The following MCPH1 variants were observed in gnomAD, a reference collection of about 807,000 sequenced individuals.
The protein encoded by MCPH1 is microcephalin.
A neutral mutation model predicts 84.5 loss-of-function variants in MCPH1; 104 were observed. That is an observed-to-expected ratio of 1.23 (90% CI 1.05 to 1.45). The LOEUF (loss-of-function observed/expected upper bound fraction) is 1.45, where lower values mean the gene tolerates loss of function less well. Among genes scored for constraint, MCPH1 ranks in the 40% most tolerant of loss-of-function variants. The pLI, the probability that MCPH1 is intolerant of heterozygous loss-of-function variation, is 0.00. For synonymous variants in MCPH1, 514 were observed against 366.8 expected (o/e 1.40, Z -4.58); for missense variants, 1,498 against 1,005.7 (o/e 1.49, Z -6.62).
chr8:6,459,803 A>G (rs987811755), intron 9 of MCPH1, among the ~76,000 whole-genome samples: 4 of 152,226 alleles, frequency 2.6e-5, no homozygotes, highest in Non-Finnish European at 5.9e-5. Flanking sequence ...CAGGACTGTC[A>G]GTCGATGAGA....
intron 12 of MCPH1, 100 bp downstream of exon 12, chr8:6,500,029 C>G: frequency 1.1e-6 from 1 of 923,732 alleles, no homozygotes; most frequent in Non-Finnish European, 1.8e-6. Context: ...CAGTCAAGCA[C>G]AATTATGCCC....
Position 6,440,810 on chromosome 8 carries a change from G to A in MCPH1, c.581-1257G>A, listed in dbSNP as rs191420756. 9.7e-4 allele frequency among the ~76,000 whole-genome samples: 148 copies of A among 152,308 alleles called. 1 individual carries two copies. Among genetic ancestry groups the A allele is most frequent in the African/African-American group, 3.4e-3 (143 of 41,560 alleles). ...TTATGTCCTTTGTCCATATGTATCA[G>A]TTAAGGTTAGTTTCGGCTGCATATA... On this transcript the variant is annotated intron_variant, in intron 6 of 13. Coordinates refer to ENST00000344683, the MANE Select transcript of MCPH1 (RefSeq NM_024596.5).
At chr8:6,497,847 T>G (rs967943332) in intron 11 of MCPH1, among the ~76,000 whole-genome samples, 74 of 152,344 alleles carry the variant, frequency 4.9e-4, no homozygotes, top group African/African-American at 1.8e-3. Context: ...ATATAATAGA[T>G]ACATTGATTT....
At chr8:6,585,065 A>G (rs1586714438) in intron 12 of MCPH1, among the ~76,000 whole-genome samples, 1 of 152,354 alleles carries the variant, frequency 6.6e-6, no homozygotes, top group African/African-American at 2.4e-5. Context: ...AGTATAAACT[A>G]TTCTCTAGCA....
chr8:6,473,985 G>A, intron 9 of MCPH1: 1 of 1,029,542 alleles, frequency 9.7e-7, no homozygotes, highest in Non-Finnish European at 1.5e-6. Flanking sequence ...TAAAGAACTT[G>A]GAAAATCTCA....
chr8:6,524,742 C>G (rs948602980), intron 12 of MCPH1, among the ~76,000 whole-genome samples: 3 of 152,136 alleles, frequency 2.0e-5, no homozygotes, highest in Non-Finnish European at 4.4e-5. Flanking sequence ...GAATGTCTCC[C>G]TTGAGGAAAA....
intron 12 of MCPH1, chr8:6,521,190 A>G (rs1817266811): frequency 6.2e-7 from 1 of 1,612,674 alleles, no homozygotes. Context: ...TTTGATGTGG[A>G]CATCATAGTC....
At chr8:6,467,755 C>T (rs1188898018) in intron 9 of MCPH1, among the ~76,000 whole-genome samples, 1 of 152,140 alleles carries the variant, frequency 6.6e-6, no homozygotes, top group Non-Finnish European at 1.5e-5. Flanking sequence ...TGCCACCATG[C>T]TCAGCTAATT....
At position 6,521,505 on chromosome 8, in the gene MCPH1, A is replaced by T. The variant is rs145450899; in HGVS notation, c.2214+21576A>T. 2.9e-3 allele frequency: 2,650 copies of T among 909,202 alleles called. 63 individuals are homozygous for T. In the South Asian group the frequency reaches 0.035, roughly 12 times the overall value. 56.3% of individuals were successfully genotyped at this position (909,202 alleles called of 1,614,324 possible). On this transcript the variant is annotated intron_variant, in intron 12 of 13. Coordinates refer to ENST00000344683, the MANE Select transcript of MCPH1 (RefSeq NM_024596.5). ...TACTTCTCCAAGGTACTCTGTTAAG[A>T]TATTGTAGTGGTTATAAAGTAATAT...
chr8:6,621,109 C>G (rs141073596), intron 12 of MCPH1: 186 of 366,022 alleles, frequency 5.1e-4, no homozygotes, highest in African/African-American at 3.7e-3. Flanking sequence ...CACACGTCAC[C>G]AAGTTACTTT....
At chr8:6,459,196 A>C (rs1241069060) in intron 9 of MCPH1, among the ~76,000 whole-genome samples, 1 of 152,230 alleles carries the variant, frequency 6.6e-6, no homozygotes, top group Non-Finnish European at 1.5e-5. Flanking sequence ...CCCATTAAAT[A>C]GGTTTTACCT....
chr8:6,553,154 G>C (rs771442554), intron 12 of MCPH1, among the ~76,000 whole-genome samples: 1 of 152,120 alleles, frequency 6.6e-6, no homozygotes, highest in African/African-American at 2.4e-5. Context: ...GCACCACTCT[G>C]GTGCAGGATG....
At chr8:6,423,643 C>T (rs1284703713) in intron 3 of MCPH1, among the ~76,000 whole-genome samples, 1 of 152,084 alleles carries the variant, frequency 6.6e-6, no homozygotes, top group African/African-American at 2.4e-5. Context: ...AGAAATATTA[C>T]AGCATTGAGC....
rs1301985746 is a variant in MCPH1 at position 6,431,486 on chromosome 8, T to C, written c.234-13T>C. ...GCAAATACTCATTAGACTACCTTAA[T>C]TTAATTATACAGATGCAGGACAGCT... On this transcript the variant is annotated splice_polypyrimidine_tract_variant and intron_variant, in intron 3 of 13. Coordinates refer to ENST00000344683, the MANE Select transcript of MCPH1 (RefSeq NM_024596.5). 6.2e-7 allele frequency: 1 copy of C among 1,606,880 alleles called. No homozygotes were observed. Among genetic ancestry groups the C allele is most frequent in the Non-Finnish European group, 8.5e-7 (1 of 1,173,658 alleles).
intron 12 of MCPH1, among the ~76,000 whole-genome samples, chr8:6,542,204 C>G (rs543395713): frequency 1.2e-4 from 19 of 152,172 alleles, no homozygotes; most frequent in African/African-American, 3.4e-4. Context: ...AACAAAATGT[C>G]TCAGTGTTTT....
At chr8:6,506,429 C>G (rs2442468) in intron 12 of MCPH1, among the ~76,000 whole-genome samples, 80,120 of 151,926 alleles carry the variant, frequency 0.53, 21,916 homozygotes, top group African/African-American at 0.66. Context: ...CTTGATTTGC[C>G]TAAGTAAATA....
At chr8:6,447,916 AT>A (rs1406427948) in intron 8 of MCPH1, among the ~76,000 whole-genome samples, 1 of 152,068 alleles carries the variant, frequency 6.6e-6, no homozygotes, top group African/African-American at 2.4e-5. Context: ...TATTCTCTTA[AT>A]TTTATAAACA....
At chr8:6,494,245 G>A (rs1810990626) in intron 11 of MCPH1, 1 of 152,168 alleles carries the variant, frequency 6.6e-6, no homozygotes, top group African/African-American at 2.4e-5. Flanking sequence ...TGCCAGAAAT[G>A]GTGAATTTTG....
intron 12 of MCPH1, among the ~76,000 whole-genome samples, chr8:6,547,832 G>C (rs552177195): frequency 1.2e-4 from 19 of 152,088 alleles, no homozygotes; most frequent in Non-Finnish European, 2.5e-4. Flanking sequence ...CCGTGGCAGA[G>C]GTTTTCCTAT....
Sources: allele counts gnomAD v4.1 joint callset (sites outside exome capture counted in the v4.1 genomes callset), GRCh38; gene constraint gnomAD v4.1.1; transcripts MANE v1.5; gene names NCBI Gene and HGNC (gene_info 2026-07-23, HGNC 2026-07-21).